The following GUCY2F variants were observed in gnomAD, a reference collection of about 807,000 sequenced individuals.
GUCY2F encodes guanylate cyclase 2F, retinal, also known as retinal guanylyl cyclase 2.
A neutral mutation model predicts 73.1 loss-of-function variants in GUCY2F; 61 were observed. That is an observed-to-expected ratio of 0.83 (90% CI 0.68 to 1.03). The LOEUF (loss-of-function observed/expected upper bound fraction) is 1.03. Ranked by LOEUF, GUCY2F falls within the 50% of genes least tolerant of loss-of-function variation. The pLI is 0.00. For missense variants in GUCY2F, 912 were observed against 854.3 expected, an observed-to-expected ratio of 1.07 and a Z score of -0.84; for synonymous variants, 331 against 307.8, an observed-to-expected ratio of 1.08 and a Z score of -0.79.
In GUCY2F at chrX:109,404,468, T is replaced by C; in HGVS notation, c.1985A>G (p.His662Arg). 3 of 1,191,041 alleles carry C rather than the reference T, an allele frequency of 2.5e-6. No individual in the cohort carries two copies. The highest frequency in any genetic ancestry group is 3.4e-6 in the Non-Finnish European group (3 of 878,419). Residue 662 changes from histidine to arginine, a missense_variant, in exon 10 of 20, where the codon CAC becomes CGC. Coordinates refer to ENST00000218006, the MANE Select transcript of GUCY2F (RefSeq NM_001522.3). ...LDLIKGMKYLHHREFVHGRLK... is the reference protein window; with the variant it reads ...LDLIKGMKYLRHREFVHGRLK... ...CCTCCCATGAACAAACTCTCTGTGGTGTAAGTACTTCATGCCCTGTAGATG... is the reference window on the plus strand; with the variant it reads ...CCTCCCATGAACAAACTCTCTGTGGCGTAAGTACTTCATGCCCTGTAGATG...
chrX:109,383,437 G>C, intron 16 of GUCY2F: 3 of 707,234 alleles, frequency 4.2e-6, no homozygotes, highest in Non-Finnish European at 5.0e-6. Context: ...CAGAATCTCA[G>C]TGGTTTCAAC....
chrX:109,385,323 T>G, intron 15 of GUCY2F, 41 bp from the exon 16 acceptor site: 38 of 649,862 alleles, frequency 5.8e-5, no homozygotes, highest in Non-Finnish European at 8.3e-5. Flanking sequence ...TCAACAGGTA[T>G]GCACCCAATG....
At position 109,428,534 on chromosome X, in the gene GUCY2F, C is replaced by CCGTTACAGAT. The variant is rs1231025076; in HGVS notation, c.1791+1772_1791+1773insATCTGTAACG. 1.8e-3 allele frequency among the ~76,000 whole-genome samples: 201 copies of CCGTTACAGAT among 111,965 alleles called. 1 individual carries two copies. Among genetic ancestry groups the CCGTTACAGAT allele is most frequent in the Non-Finnish European group, 3.3e-3 (176 of 53,178 alleles). ...AGAAACCGTTACAGATTAAAAGCAA[C>CCGTTACAGAT]TAAAAAGATATGACAGCAAACTGAA... On this transcript the variant is annotated intron_variant, in intron 8 of 19. Coordinates refer to ENST00000218006, the MANE Select transcript of GUCY2F (RefSeq NM_001522.3).
chrX:109,443,492 G>A lies in GUCY2F; in HGVS notation c.1570-2010C>T, dbSNP rs1363890680. On this transcript the variant is annotated intron_variant, in intron 6 of 19. Transcript: ENST00000218006. ...TGCACAAGTGAAAAAAACTATCATG[G>A]TGAGCAAGATTTTAAAGCCCTAGGT... 2.7e-5 allele frequency among the ~76,000 whole-genome samples: 3 copies of A among 110,599 alleles called. No homozygotes were observed. The East Asian group carries it at 8.5e-4, about 31-fold the overall frequency.
intron 17 of GUCY2F, among the ~76,000 whole-genome samples, chrX:109,377,458 C>T (rs1329583089): frequency 2.7e-5 from 3 of 112,065 alleles, no homozygotes; most frequent in Non-Finnish European, 5.6e-5. Flanking sequence ...ACTCACAGTA[C>T]AGTTAAACAC....
intron 8 of GUCY2F, among the ~76,000 whole-genome samples, chrX:109,414,269 G>A (rs1409826533): frequency 9.0e-6 from 1 of 111,570 alleles, no homozygotes; most frequent in East Asian, 2.8e-4. Context: ...ACTGTGCCTG[G>A]CCTCGACAAG....
At chrX:109,377,738 T>C (rs1286746084) in intron 17 of GUCY2F, among the ~76,000 whole-genome samples, 4 of 111,769 alleles carry the variant, frequency 3.6e-5, no homozygotes, top group African/African-American at 1.3e-4. Context: ...TGTCTTGAGA[T>C]CTAGAGGCTA....
chrX:109,436,589 G>A lies in GUCY2F; in HGVS notation c.1701+4762C>T, dbSNP rs192782376. On this transcript the variant is annotated intron_variant, in intron 7 of 19. Coordinates refer to ENST00000218006, the MANE Select transcript of GUCY2F (RefSeq NM_001522.3). Reference sequence around the variant, plus strand: ...AGAAAATGTGGCACATACACACCATGGAATACTATGCAGCCATAAAAAAGG... The same window carrying A: ...AGAAAATGTGGCACATACACACCATAGAATACTATGCAGCCATAAAAAAGG... Among the ~76,000 whole-genome samples the A allele has an allele frequency of 1.1e-4, 12 of 111,992 alleles. No homozygotes were observed. In the East Asian group the frequency reaches 3.4e-3, roughly 31 times the overall value.
chrX:109,415,283 C>T, intron 8 of GUCY2F, among the ~76,000 whole-genome samples: 1 of 111,764 alleles, frequency 8.9e-6, no homozygotes, highest in South Asian at 3.7e-4. Flanking sequence ...TGGGAAAATG[C>T]AAAAACTGGT....
intron 3 of GUCY2F, among the ~76,000 whole-genome samples, chrX:109,458,816 C>A (rs1932310187): frequency 9.0e-6 from 1 of 111,222 alleles, no homozygotes; most frequent in African/African-American, 3.3e-5. Context: ...TCATTTAATC[C>A]TCACAAGAAC....
chrX:109,382,210 A>T lies in GUCY2F; in HGVS notation c.3058T>A (p.Tyr1020Asn). The T allele has an allele frequency of 8.9e-7, 1 of 1,126,140 alleles. No homozygotes were observed. Among genetic ancestry groups the T allele is most frequent in the Non-Finnish European group, 1.2e-6 (1 of 819,351 alleles). 92.8% of individuals were successfully genotyped at this position (1,126,140 alleles called of 1,213,427 possible). A position where few individuals can be genotyped will look rare whatever the true frequency, so the allele number is the denominator to read the frequency against. ...ASRMESTGLP[Y>N]RIHVSLSTVT... ...GTGCTGAGACTGACATGAATGCGAT[A>T]AGCTGCAAAAGAAGGAGAGACATGA... Residue 1020 changes from tyrosine (Y) to asparagine (N), a missense_variant and splice_region_variant, in exon 17 of 20, where the codon TAT becomes AAT. Transcript: ENST00000218006.
intron 10 of GUCY2F, among the ~76,000 whole-genome samples, chrX:109,402,379 T>TTG (rs1255513371): frequency 3.7e-4 from 40 of 108,962 alleles, no homozygotes; most frequent in African/African-American, 1.3e-3. Flanking sequence ...GCGTTTTGTT[T>TTG]TTTTTTTTTT....
At chrX:109,415,043 C>T (rs1248620928) in intron 8 of GUCY2F, among the ~76,000 whole-genome samples, 1 of 110,309 alleles carries the variant, frequency 9.1e-6, no homozygotes, top group African/African-American at 3.3e-5. Context: ...TAGGTTATGG[C>T]AGACCACCAT....
At chrX:109,382,855 G>A (rs768077673) in intron 16 of GUCY2F, among the ~76,000 whole-genome samples, 1 of 111,651 alleles carries the variant, frequency 9.0e-6, no homozygotes, top group South Asian at 3.8e-4. Context: ...GAACTGCCAC[G>A]TTAAAATTTT....
At chrX:109,414,749 G>A (rs886875393) in intron 8 of GUCY2F, among the ~76,000 whole-genome samples, 2 of 111,993 alleles carry the variant, frequency 1.8e-5, no homozygotes, top group African/African-American at 6.5e-5. Flanking sequence ...TGATCTGGGA[G>A]TTAAAAGATG....
intron 5 of GUCY2F, among the ~76,000 whole-genome samples, chrX:109,449,302 TTGTC>T (rs1461217753): frequency 8.9e-6 from 1 of 112,402 alleles, no homozygotes; most frequent in Non-Finnish European, 1.9e-5. Flanking sequence ...GTGTTTCTAA[TTGTC>T]TGCCAACAAA....
intron 10 of GUCY2F, 89 bp downstream of exon 10, chrX:109,404,239 A>G: frequency 1.5e-6 from 1 of 687,883 alleles, no homozygotes; most frequent in Non-Finnish European, 2.2e-6. Context: ...GAGAGTTGAA[A>G]TCAGCCTGAG....
chrX:109,441,026 C>A (rs769468022), intron 7 of GUCY2F, among the ~76,000 whole-genome samples: 1 of 112,140 alleles, frequency 8.9e-6, no homozygotes, highest in African/African-American at 3.2e-5. Flanking sequence ...ACAATAGACT[C>A]AGGGAGTCAT....
rs762681453 is a variant in GUCY2F at position 109,375,827 on chromosome X, G to A, written c.*1+71C>T. The A allele has an allele frequency of 8.8e-5, 63 of 712,045 alleles. No individual in the cohort carries two copies. The African/African-American group carries it at 1.1e-3, about 13-fold the overall frequency. 58.7% of individuals were successfully genotyped at this position (712,045 alleles called of 1,213,427 possible). A position where few individuals can be genotyped will look rare whatever the true frequency, so the allele number is the denominator to read the frequency against. On this transcript the variant is annotated intron_variant, in intron 19 of 19. Coordinates refer to ENST00000218006, the MANE Select transcript of GUCY2F (RefSeq NM_001522.3). ...ACAGAGTATAGGCTGACACTGGCAC[G>A]CATGCCAAAGGAAGCCCCAGATTTG...
Sources: allele counts gnomAD v4.1 joint callset (sites outside exome capture counted in the v4.1 genomes callset), GRCh38; gene constraint gnomAD v4.1.1; transcripts MANE v1.5; gene names NCBI Gene and HGNC (gene_info 2026-07-23, HGNC 2026-07-21).